The following IGFL2 variants were observed in gnomAD, a reference collection of about 807,000 sequenced individuals.
IGFL2 encodes insulin growth factor-like family member 2.
IGFL2 carries 7 observed loss-of-function variants against 13.9 expected under a neutral mutation model. The ratio of observed to expected loss-of-function variants is 0.51; its 90% CI spans 0.29 to 0.95. IGFL2 has a LOEUF of 0.95. IGFL2 is among the 40% of genes least tolerant of loss of function. The pLI is 0.08. For missense variants in IGFL2, 138 were observed against 147.8 expected (o/e 0.93, Z 0.34); for synonymous variants, 55 against 55.8 (o/e 0.99, Z 0.07).
At chr19:46,111,915 A>G in the IGFL2 span, 1 of 152,212 alleles carries the variant, frequency 6.6e-6, no homozygotes, top group Non-Finnish European at 1.5e-5. Flanking sequence ...GTAAATGTAC[A>G]CCCCGAGTCT....
At chr19:46,189,000 C>T in the IGFL2 span, among the ~76,000 whole-genome samples, 1 of 152,154 alleles carries the variant, frequency 6.6e-6, no homozygotes, top group South Asian at 2.1e-4. Context: ...GACGAGAGAT[C>T]ATAGAAATAA....
At chr19:46,167,975 TTTG>T in the IGFL2 span, among the ~76,000 whole-genome samples, 2 of 152,260 alleles carry the variant, frequency 1.3e-5, no homozygotes, top group Non-Finnish European at 2.9e-5. Flanking sequence ...TCTGTGGTAT[TTTG>T]TTATGGCAGC....
chr19:46,144,313 C>A (rs1973005237), upstream of IGFL2, among the ~76,000 whole-genome samples: 2 of 152,068 alleles, frequency 1.3e-5, no homozygotes, highest in Admixed American at 1.3e-4. Context: ...TCTTTTTGAC[C>A]ATTGATACAA....
chr19:46,194,531 C>T, the IGFL2 span, among the ~76,000 whole-genome samples: 1 of 152,068 alleles, frequency 6.6e-6, no homozygotes, highest in Non-Finnish European at 1.5e-5. Context: ...CAAGCAAAAA[C>T]CAATCAAGGG....
At chr19:46,151,629 G>C (rs1406885264) in intron 1 of IGFL2, among the ~76,000 whole-genome samples, 2 of 152,168 alleles carry the variant, frequency 1.3e-5, no homozygotes, top group Non-Finnish European at 2.9e-5. Context: ...TTCAGAGAAG[G>C]CTGGGTCCTG....
the IGFL2 span, among the ~76,000 whole-genome samples, chr19:46,129,548 T>C: frequency 2.0e-5 from 3 of 152,158 alleles, no homozygotes; most frequent in Non-Finnish European, 4.4e-5. Context: ...CCAGAGATTC[T>C]GGTATATTGT....
the IGFL2 span, chr19:46,123,795 G>T: frequency 7.1e-7 from 1 of 1,401,436 alleles, no homozygotes; most frequent in Non-Finnish European, 9.7e-7. Flanking sequence ...TTTGCCGTTA[G>T]AACTCCACAA....
chr19:46,209,435 T>C, the IGFL2 span: 1 of 152,160 alleles, frequency 6.6e-6, no homozygotes, highest in East Asian at 1.9e-4. Flanking sequence ...CCTCCCAACA[T>C]AGGACACACC....
At chr19:46,137,904 T>C in the IGFL2 span, among the ~76,000 whole-genome samples, 3 of 152,374 alleles carry the variant, frequency 2.0e-5, no homozygotes, top group East Asian at 5.8e-4. Flanking sequence ...GGCTGTTTAC[T>C]CTTTAAGCTC....
chr19:46,125,371 A>G, the IGFL2 span, among the ~76,000 whole-genome samples: 2 of 152,228 alleles, frequency 1.3e-5, no homozygotes, highest in African/African-American at 2.4e-5. Context: ...TTAGTGGCCA[A>G]TGATAAGTGA....
the IGFL2 span, among the ~76,000 whole-genome samples, chr19:46,177,421 C>T: frequency 3.3e-5 from 5 of 151,994 alleles, no homozygotes; most frequent in Non-Finnish European, 7.4e-5. Context: ...TTTACTTAAT[C>T]CTTTATCAAA....
chr19:46,137,422 A>G, the IGFL2 span: 2 of 1,027,532 alleles, frequency 1.9e-6, no homozygotes, highest in South Asian at 2.5e-5. Flanking sequence ...GCTCGGAAGG[A>G]TGGACATTGT....
At chr19:46,159,368 G>T (rs1035074417) in intron 1 of IGFL2, 1 of 152,190 alleles carries the variant, frequency 6.6e-6, no homozygotes, top group East Asian at 1.9e-4. Context: ...GGTAATGGCC[G>T]GTGGTACTGG....
the IGFL2 span, among the ~76,000 whole-genome samples, chr19:46,188,397 C>T: frequency 2.5e-3 from 385 of 152,202 alleles, 2 homozygotes; most frequent in African/African-American, 8.9e-3. Context: ...GCCACCGTGA[C>T]GCTCATTCCT....
At chr19:46,082,040 G>T in the IGFL2 span, among the ~76,000 whole-genome samples, 2 of 152,200 alleles carry the variant, frequency 1.3e-5, no homozygotes, top group African/African-American at 4.8e-5. Context: ...GGCTATTTTA[G>T]CAGAGTATAC....
chr19:46,096,286 T>C, the IGFL2 span, among the ~76,000 whole-genome samples: 1 of 152,180 alleles, frequency 6.6e-6, no homozygotes, highest in East Asian at 1.9e-4. Context: ...GTAGCAATTG[T>C]GAATGGGAGT....
At chr19:46,094,435 A>G in the IGFL2 span, among the ~76,000 whole-genome samples, 1 of 152,164 alleles carries the variant, frequency 6.6e-6, no homozygotes, top group African/African-American at 2.4e-5. Flanking sequence ...ATAGAGCTGA[A>G]AGTGAAAGTC....
At chr19:46,109,100 A>G in the IGFL2 span, among the ~76,000 whole-genome samples, 1 of 150,518 alleles carries the variant, frequency 6.6e-6, no homozygotes, top group Admixed American at 6.6e-5. Context: ...GTGTGTCTGT[A>G]TGAAGAGACC....
At chr19:46,167,693 T>C in the IGFL2 span, among the ~76,000 whole-genome samples, 130 of 152,324 alleles carry the variant, frequency 8.5e-4, 2 homozygotes, top group Middle Eastern at 0.017. Flanking sequence ...GTAGCTGTAA[T>C]TGAATGTGGA....
Sources: allele counts gnomAD v4.1 joint callset (sites outside exome capture counted in the v4.1 genomes callset), GRCh38; gene constraint gnomAD v4.1.1; transcripts MANE v1.5; gene names NCBI Gene and HGNC (gene_info 2026-07-23, HGNC 2026-07-21).